The following GPR158 variants were observed in gnomAD, a reference collection of about 807,000 sequenced individuals.
GPR158 encodes the protein metabotropic glycine receptor.
In GPR158, 30 loss-of-function variants were observed where a neutral mutation model predicts 78.2. The observed-to-expected ratio is 0.38, with a 90% CI of 0.29 to 0.52. GPR158 has a LOEUF of 0.52. Ranked by LOEUF, GPR158 falls within the 20% of genes least tolerant of loss-of-function variation. The pLI, the probability that GPR158 is intolerant of heterozygous loss-of-function variation, is 0.83. For synonymous variants in GPR158, 581 were observed against 591.1 expected (o/e 0.98, Z 0.25); for missense variants, 1,463 against 1,523.5 (o/e 0.96, Z 0.66).
At chr10:25,237,699 C>G (rs1307720337) in intron 2 of GPR158, among the ~76,000 whole-genome samples, 1 of 152,186 alleles carries the variant, frequency 6.6e-6, no homozygotes, top group African/African-American at 2.4e-5. Flanking sequence ...CCTTTTAAAG[C>G]TGCATCTCTC....
intron 2 of GPR158, among the ~76,000 whole-genome samples, chr10:25,245,076 C>T (rs530677148): frequency 7.1e-4 from 108 of 152,294 alleles, no homozygotes; most frequent in Non-Finnish European, 1.2e-3. Context: ...TTCTTATTCC[C>T]GAGTTGGACT....
chr10:25,391,624 C>G (rs1588841870), intron 2 of GPR158, among the ~76,000 whole-genome samples: 1 of 152,254 alleles, frequency 6.6e-6, no homozygotes, highest in Middle Eastern at 3.4e-3. Context: ...CCCATTGTAT[C>G]CAGGAAGTAA....
chr10:25,356,801 A>C (rs1326887123), intron 2 of GPR158, among the ~76,000 whole-genome samples: 2 of 152,026 alleles, frequency 1.3e-5, no homozygotes, highest in Non-Finnish European at 2.9e-5. Flanking sequence ...TATATGGTAA[A>C]TTGGTACCAG....
At chr10:25,282,383 A>G (rs1854288143) in intron 2 of GPR158, among the ~76,000 whole-genome samples, 1 of 152,196 alleles carries the variant, frequency 6.6e-6, no homozygotes, top group African/African-American at 2.4e-5. Context: ...GTTGAAGTAC[A>G]TTCCATGTAT....
intron 1 of GPR158, among the ~76,000 whole-genome samples, chr10:25,217,630 AG>A (rs1853236142): frequency 6.6e-6 from 1 of 152,202 alleles, no homozygotes; most frequent in African/African-American, 2.4e-5. Flanking sequence ...CATATGGAAG[AG>A]AAGAGTCAAG....
chr10:25,559,715 G>C (rs771323023), intron 6 of GPR158, among the ~76,000 whole-genome samples: 5 of 152,146 alleles, frequency 3.3e-5, no homozygotes, highest in Non-Finnish European at 7.4e-5. Context: ...ATACTAGAGA[G>C]TAAAAACCAT....
intron 4 of GPR158, among the ~76,000 whole-genome samples, chr10:25,447,372 A>G (rs1426416439): frequency 1.3e-5 from 2 of 152,222 alleles, no homozygotes; most frequent in Non-Finnish European, 2.9e-5. Flanking sequence ...GGCAGAGCCA[A>G]TATGGAAACT....
intron 2 of GPR158, among the ~76,000 whole-genome samples, chr10:25,240,612 C>T (rs957186925): frequency 1.3e-5 from 2 of 151,652 alleles, no homozygotes; most frequent in African/African-American, 4.8e-5. Flanking sequence ...TGCAGTATCT[C>T]CTAAGTACAT....
At chr10:25,471,073 A>G (rs1835492455) in intron 5 of GPR158, among the ~76,000 whole-genome samples, 1 of 151,902 alleles carries the variant, frequency 6.6e-6, no homozygotes, top group Non-Finnish European at 1.5e-5. Context: ...CTTGTCATTT[A>G]TATTAGGTAT....
chr10:25,289,594 G>A (rs554687306), intron 2 of GPR158, among the ~76,000 whole-genome samples: 15 of 151,688 alleles, frequency 9.9e-5, no homozygotes, highest in African/African-American at 2.4e-4. Context: ...CACCACCCCC[G>A]GCTAATTTTT....
chr10:25,225,166 A>G (rs1004763200), intron 2 of GPR158, among the ~76,000 whole-genome samples: 1 of 145,588 alleles, frequency 6.9e-6, no homozygotes. Context: ...ACAGATCAGC[A>G]GATTTGGAAC....
intron 5 of GPR158, among the ~76,000 whole-genome samples, chr10:25,482,323 A>G (rs1008222247): frequency 1.9e-4 from 29 of 152,048 alleles, no homozygotes; most frequent in African/African-American, 6.8e-4. Context: ...AGCTGGAACA[A>G]TAGGTGTATG....
intron 2 of GPR158, among the ~76,000 whole-genome samples, chr10:25,359,090 TTA>T (rs764547375): frequency 4.6e-5 from 7 of 152,096 alleles, no homozygotes; most frequent in Non-Finnish European, 1.0e-4. Context: ...TGATAAATTT[TTA>T]TTTCTCTGCA....
chr10:25,560,605 A>G (rs1836848414), intron 6 of GPR158, among the ~76,000 whole-genome samples: 1 of 152,234 alleles, frequency 6.6e-6, no homozygotes, highest in African/African-American at 2.4e-5. Context: ...TTGGACTAAC[A>G]CCTAAAGTAC....
intron 2 of GPR158, among the ~76,000 whole-genome samples, chr10:25,367,087 G>A (rs1473405003): frequency 2.6e-5 from 4 of 151,326 alleles, no homozygotes; most frequent in Non-Finnish European, 5.9e-5. Flanking sequence ...AAATCATGAA[G>A]TTTTTCTTCT....
intron 1 of GPR158, among the ~76,000 whole-genome samples, chr10:25,193,050 G>C (rs1371720359): frequency 6.6e-6 from 1 of 152,030 alleles, no homozygotes. Context: ...ACTTAAGATG[G>C]GTTTACTGGG....
At chr10:25,266,113 A>G (rs547781482) in intron 2 of GPR158, among the ~76,000 whole-genome samples, 2 of 152,172 alleles carry the variant, frequency 1.3e-5, no homozygotes, top group Non-Finnish European at 2.9e-5. Flanking sequence ...CTCCTAGTTA[A>G]TCCCTGTAGC....
At chr10:25,258,344 G>T (rs1309614717) in intron 2 of GPR158, among the ~76,000 whole-genome samples, 1 of 152,070 alleles carries the variant, frequency 6.6e-6, no homozygotes, top group Non-Finnish European at 1.5e-5. Context: ...GACATATTCT[G>T]CCTTAATCTG....
intron 5 of GPR158, among the ~76,000 whole-genome samples, chr10:25,518,375 A>T (rs1836212410): frequency 1.2e-5 from 1 of 85,472 alleles, no homozygotes. Context: ...TATTTCCTTC[A>T]GTTCTGCTCT....
Sources: gnomAD v4.1 joint callset for allele counts (sites outside exome capture counted in the v4.1 genomes callset) on GRCh38, gnomAD v4.1.1 for gene constraint, MANE v1.5 for transcripts, NCBI Gene and HGNC (gene_info 2026-07-23, HGNC 2026-07-21) for gene names.